Variants in VIPR2 observed in about 807,000 individuals in gnomAD.
VIPR2 encodes the protein vasoactive intestinal peptide receptor 2, also known as vasoactive intestinal polypeptide receptor 2.
VIPR2 carries 48 observed loss-of-function variants against 58.0 expected under a neutral mutation model. The observed-to-expected ratio is 0.83, with a 90% confidence interval of 0.66 to 1.05. VIPR2 has a LOEUF of 1.05. VIPR2 is among the 50% of genes least tolerant of loss of function. VIPR2 has a pLI of 0.00. For missense variants in VIPR2, 534 were observed against 558.0 expected, an observed-to-expected ratio of 0.96 and a Z score of 0.43; for synonymous variants, 243 against 235.2, an observed-to-expected ratio of 1.03 and a Z score of -0.30.
intron 2 of VIPR2, among the ~76,000 whole-genome samples, chr7:159,126,278 A>G (rs1796645972): frequency 6.6e-6 from 1 of 152,258 alleles, no homozygotes. Context: ...GTGATTATAC[A>G]AATCTACCAA....
At chr7:159,078,732 G>A (rs1007339707) in intron 4 of VIPR2, among the ~76,000 whole-genome samples, 6 of 152,150 alleles carry the variant, frequency 3.9e-5, no homozygotes, top group South Asian at 2.1e-4. Context: ...TTGTTGCATC[G>A]CGTTGTGCCT....
chr7:159,106,782 G>C (rs377526213), intron 3 of VIPR2, among the ~76,000 whole-genome samples: 1 of 146,962 alleles, frequency 6.8e-6, no homozygotes, highest in Admixed American at 6.7e-5. Context: ...GGCCGGGGAG[G>C]TAGAGAGAGA....
intron 4 of VIPR2, among the ~76,000 whole-genome samples, chr7:159,078,459 T>C (rs1856755003): frequency 6.6e-6 from 1 of 152,172 alleles, no homozygotes; most frequent in Non-Finnish European, 1.5e-5. Flanking sequence ...ACTAATGCAA[T>C]ATTCAAAAGC....
At chr7:159,048,099 AC>A (rs1854761606) in intron 5 of VIPR2, among the ~76,000 whole-genome samples, 1 of 152,230 alleles carries the variant, frequency 6.6e-6, no homozygotes, top group South Asian at 2.1e-4. Context: ...TATTTTAATT[AC>A]AATCAAGAGA....
At chr7:159,083,665 G>T (rs1040393225) in intron 4 of VIPR2, among the ~76,000 whole-genome samples, 1 of 152,198 alleles carries the variant, frequency 6.6e-6, no homozygotes, top group Non-Finnish European at 1.5e-5. Flanking sequence ...CCGTTCTCTC[G>T]AGAGAGGCCA....
chr7:159,034,176 C>T, intron 10 of VIPR2, 37 bp downstream of exon 10: 1 of 1,604,122 alleles, frequency 6.2e-7, no homozygotes, highest in Non-Finnish European at 8.5e-7. Flanking sequence ...CACACGGCAT[C>T]CCCATCAGGG....
At chr7:159,109,357 G>A (rs1282263350) in intron 3 of VIPR2, among the ~76,000 whole-genome samples, 1 of 152,190 alleles carries the variant, frequency 6.6e-6, no homozygotes, top group African/African-American at 2.4e-5. Flanking sequence ...GGGAGGTTGG[G>A]GGAGTGGGTT....
intron 6 of VIPR2, 83 bp downstream of exon 6, chr7:159,042,952 G>T: frequency 6.6e-7 from 1 of 1,521,828 alleles, no homozygotes; most frequent in Non-Finnish European, 8.9e-7. Context: ...CCCTGCACCA[G>T]CACAGAGACG....
chr7:159,031,934 C>G lies in VIPR2; in HGVS notation c.1101+4G>C, dbSNP rs2129492723. 1 of 1,614,146 alleles carries G rather than the reference C, an allele frequency of 6.2e-7. No individual in the cohort carries two copies. The highest frequency in any genetic ancestry group is 2.2e-5 in the East Asian group (1 of 44,864). ...GGGGAGGGCGGCCGCCTCCGCACAC[C>G]TACCTGGAACGACCCGAGGCACAGC... On this transcript the variant is annotated splice_donor_region_variant and intron_variant, in intron 11 of 12. Transcript: ENST00000262178. The surrounding 1 kb of genome is among the most constrained non-coding windows in gnomAD (Gnocchi z 4.0).
chr7:159,032,494 C>T (rs1853656666), intron 10 of VIPR2, among the ~76,000 whole-genome samples: 2 of 152,196 alleles, frequency 1.3e-5, no homozygotes, highest in African/African-American at 2.4e-5. Context: ...AGAACCGATC[C>T]TGCTCCCGGA....
Position 159,082,057 on chromosome 7 carries a change from C to T in VIPR2, c.357+21700G>A, listed in dbSNP as rs974225548. Among the ~76,000 whole-genome samples, 263 of 152,264 alleles carry T rather than the reference C, an allele frequency of 1.7e-3. 1 individual carries two copies. Among genetic ancestry groups the T allele is most frequent in the African/African-American group, 5.9e-3 (246 of 41,544 alleles). On this transcript the variant is annotated intron_variant, in intron 4 of 12. Coordinates refer to ENST00000262178, the MANE Select transcript of VIPR2 (RefSeq NM_003382.5). ...TCAACCATTGTGGAAGTCGGTGTGGCGATTCCTCAGGGATCTACAACTAGA... is the reference window on the plus strand; with the variant it reads ...TCAACCATTGTGGAAGTCGGTGTGGTGATTCCTCAGGGATCTACAACTAGA...
intron 4 of VIPR2, among the ~76,000 whole-genome samples, chr7:159,061,387 G>A (rs1168880761): frequency 6.7e-6 from 1 of 148,932 alleles, no homozygotes; most frequent in African/African-American, 2.5e-5. Context: ...GCTCACACCT[G>A]CAAAATCCCA....
intron 4 of VIPR2, among the ~76,000 whole-genome samples, chr7:159,100,704 G>A (rs1399771234): frequency 2.0e-5 from 3 of 152,252 alleles, no homozygotes; most frequent in African/African-American, 7.2e-5. Context: ...CTGTTCTTGT[G>A]GTAGTGAACG....
intron 2 of VIPR2, among the ~76,000 whole-genome samples, chr7:159,122,486 G>A (rs559072378): frequency 1.2e-4 from 19 of 152,298 alleles, no homozygotes; most frequent in Non-Finnish European, 2.6e-4. Flanking sequence ...GACTGAACTG[G>A]ATAAAAACAG....
intron 4 of VIPR2, among the ~76,000 whole-genome samples, chr7:159,066,471 C>T (rs1353880698): frequency 6.7e-6 from 1 of 149,848 alleles, no homozygotes; most frequent in Non-Finnish European, 1.5e-5. Context: ...TGTTCCCGCA[C>T]CATCTGTGGG....
rs1853802111 is a variant in VIPR2 at position 159,034,559 on chromosome 7, CAT to C, written c.879+20_879+21del. 1.2e-6 allele frequency: 2 copies of C among 1,606,954 alleles called. No individual in the cohort carries two copies. Among genetic ancestry groups the C allele is most frequent in the South Asian group, 1.1e-5 (1 of 90,894 alleles). On this transcript the variant is annotated intron_variant, in intron 9 of 12. Transcript: ENST00000262178. ...AGTGTGTGATTCCACAGATAATCCA[CAT>C]GTCAACAGGGACTACTTACGATGAT... is the stretch of plus-strand genomic sequence containing the variant.
At chr7:159,050,866 C>T (rs970191276) in intron 5 of VIPR2, among the ~76,000 whole-genome samples, 3 of 152,112 alleles carry the variant, frequency 2.0e-5, no homozygotes, top group African/African-American at 7.2e-5. Flanking sequence ...AAAAAGTCTT[C>T]AAAGCTTTCA....
At chr7:159,115,886 G>A (rs1019473376) in intron 2 of VIPR2, among the ~76,000 whole-genome samples, 10 of 152,238 alleles carry the variant, frequency 6.6e-5, no homozygotes, top group Admixed American at 2.0e-4. Context: ...TCAGCTTCCT[G>A]GGGCCACGTG....
In VIPR2 at chr7:159,031,924, C is replaced by T. The variant is rs538341713; in HGVS notation, c.1101+14G>A. 3.1e-5 allele frequency: 50 copies of T among 1,614,034 alleles called. No individual in the cohort carries two copies. Among genetic ancestry groups the T allele is most frequent in the Non-Finnish European group, 4.2e-5 (49 of 1,180,044 alleles). ...CCCGCGCTCGGGGGAGGGCGGCCGC[C>T]TCCGCACACCTACCTGGAACGACCC... On this transcript the variant is annotated intron_variant, in intron 11 of 12. Coordinates refer to ENST00000262178, the MANE Select transcript of VIPR2 (RefSeq NM_003382.5). The surrounding 1 kb of genome is among the most constrained non-coding windows in gnomAD (Gnocchi z 4.0).
Sources: allele counts gnomAD v4.1 joint callset (sites outside exome capture counted in the v4.1 genomes callset), GRCh38; gene constraint gnomAD v4.1.1; non-coding constraint Gnocchi (gnomAD v3.1); transcripts MANE v1.5; gene names NCBI Gene and HGNC (gene_info 2026-07-23, HGNC 2026-07-21).